COL8A1: variants seen among roughly 807,000 people sequenced by gnomAD.
COL8A1 encodes collagen type VIII alpha 1 chain, also known as collagen alpha-1(VIII) chain.
Under a neutral mutation model 42.7 loss-of-function variants are expected in COL8A1, and 21 were observed. The ratio of observed to expected loss-of-function variants is 0.49; its 90% confidence interval spans 0.35 to 0.71. The LOEUF is 0.71. Ranked by LOEUF, COL8A1 falls within the 30% of genes least tolerant of loss-of-function variation. The pLI is 0.01. For synonymous variants in COL8A1, 367 were observed against 369.1 expected (o/e 0.99, Z 0.06); for missense variants, 788 against 962.4 (o/e 0.82, Z 2.40).
intron 1 of COL8A1, among the ~76,000 whole-genome samples, chr3:99,724,386 G>A (rs541388503): frequency 1.3e-5 from 2 of 152,042 alleles, no homozygotes; most frequent in Admixed American, 6.6e-5. Context: ...ACCATGACCC[G>A]TCCTTCTCTT....
At chr3:99,657,592 C>T (rs1159638704) in intron 1 of COL8A1, among the ~76,000 whole-genome samples, 2 of 152,136 alleles carry the variant, frequency 1.3e-5, no homozygotes, top group Admixed American at 6.5e-5. Flanking sequence ...CTTTTCTCCC[C>T]GCGAGGATGA....
intron 1 of COL8A1, among the ~76,000 whole-genome samples, chr3:99,650,428 T>C (rs946649785): frequency 6.6e-6 from 1 of 152,122 alleles, no homozygotes. Flanking sequence ...CTAAGGACTT[T>C]ATTTTTATTT....
chr3:99,733,134 T>A lies in COL8A1; in HGVS notation c.-128-11763T>A, dbSNP rs1429805750. Among the ~76,000 whole-genome samples, 17 of 143,664 alleles carry A rather than the reference T, an allele frequency of 1.2e-4. 1 individual carries two copies. The highest frequency in any genetic ancestry group is 6.7e-4 in the South Asian group (3 of 4,470). The allele number at this position is 143,664 out of a possible 152,430, so 94.2% of individuals were successfully genotyped here. A position where few individuals can be genotyped will look rare whatever the true frequency, so the allele number is the denominator to read the frequency against. On this transcript the variant is annotated intron_variant, in intron 1 of 3. Transcript: ENST00000652472. The stretch of plus-strand genomic sequence containing the variant: ...AGCTTTTTTCTTTTTTTTTTTTTTT[T>A]AAACTTTCTTTTTTTTATTATTATT...
At chr3:99,740,496 A>G (rs1190709464) in intron 1 of COL8A1, among the ~76,000 whole-genome samples, 1 of 152,194 alleles carries the variant, frequency 6.6e-6, no homozygotes. Context: ...CTTTCTTCAC[A>G]TGGTGGCAGC....
At chr3:99,656,771 C>A (rs905652223) in intron 1 of COL8A1, among the ~76,000 whole-genome samples, 7 of 152,254 alleles carry the variant, frequency 4.6e-5, no homozygotes, top group Middle Eastern at 3.4e-3. Context: ...TTTGCTCCTG[C>A]ATAAAAAACT....
rs184898691 is a variant in COL8A1, at chr3:99,739,783, A to G, written c.-128-5114A>G. Among the ~76,000 whole-genome samples the G allele has an allele frequency of 7.6e-3, 1,163 of 152,244 alleles. 19 individuals are homozygous for G. The highest frequency in any genetic ancestry group is 0.026 in the African/African-American group (1,097 of 41,550). ...AGAGGCTGCCATGAAGGTCTCTGAC[A>G]TACTCTGGAGATATTTTCCCCATTG... is the stretch of plus-strand genomic sequence containing the variant. On this transcript the variant is annotated intron_variant, in intron 1 of 3. Transcript: ENST00000652472.
rs752303108 is a variant in COL8A1 at position 99,795,982 on chromosome 3, A to T, written c.2081A>T (p.Lys694Met). The T allele has an allele frequency of 3.7e-6, 6 of 1,613,922 alleles. No individual in the cohort carries two copies. The highest frequency in any genetic ancestry group is 5.1e-6 in the Non-Finnish European group (6 of 1,179,960). ...ATGTACACGTACGACGAGTACAAAA[A>T]GGGCTTCCTGGACCAGGCATCTGGG... ...PVMYTYDEYK[K>M]GFLDQASGSA... The change falls in exon 4 of 4, where the codon AAG becomes ATG. Residue 694 changes from lysine (K) to methionine (M), a missense_variant. Around this residue, in one of 4 missense-constraint regions of COL8A1, gnomAD observed 212 missense variants for 210.9 expected, o/e 1.00. Coordinates refer to ENST00000652472, the MANE Select transcript of COL8A1 (RefSeq NM_020351.4).
chr3:99,795,368 G>T lies in COL8A1; in HGVS notation c.1467G>T (p.Gly489=). ...CTAAGGGAGAGCCAGGAATCCCAGGGGATCAGGGTTTACAGGGCCCCCCAG... is the reference window on the plus strand; with the variant it reads ...CTAAGGGAGAGCCAGGAATCCCAGGTGATCAGGGTTTACAGGGCCCCCCAG... ...LGPKGEPGIP[G]DQGLQGPPGI... is the part of the protein sequence containing the mutation. The change falls in exon 4 of 4, where the codon GGG becomes GGT. Residue 489 remains glycine, a synonymous_variant. Coordinates refer to ENST00000652472, the MANE Select transcript of COL8A1 (RefSeq NM_020351.4). The T allele has an allele frequency of 6.3e-7, 1 of 1,579,934 alleles. No homozygotes were observed. Among genetic ancestry groups the T allele is most frequent in the Non-Finnish European group, 8.6e-7 (1 of 1,162,352 alleles).
intron 2 of COL8A1, among the ~76,000 whole-genome samples, chr3:99,783,293 T>G (rs978685159): frequency 1.4e-4 from 21 of 152,216 alleles, no homozygotes; most frequent in African/African-American, 5.1e-4. Flanking sequence ...ACAACCTAAT[T>G]GACTTCTCAA....
chr3:99,690,401 T>G (rs779175498), intron 1 of COL8A1, among the ~76,000 whole-genome samples: 20 of 152,218 alleles, frequency 1.3e-4, no homozygotes, highest in Admixed American at 1.3e-4. Context: ...AATCCTGATC[T>G]ATCTAGATTA....
At chr3:99,697,068 G>T (rs1200864732) in intron 1 of COL8A1, among the ~76,000 whole-genome samples, 4 of 133,136 alleles carry the variant, frequency 3.0e-5, no homozygotes, top group African/African-American at 1.1e-4. Context: ...CTCACTGCAA[G>T]CTCCGCCTCC....
chr3:99,726,083 T>C (rs945845590), intron 1 of COL8A1, among the ~76,000 whole-genome samples: 6 of 152,026 alleles, frequency 3.9e-5, no homozygotes, highest in East Asian at 3.9e-4. Flanking sequence ...CCTGTTGTTT[T>C]CTGACTTTTT....
rs745312726 is a variant in COL8A1, at chr3:99,790,733, T to C, written c.51T>C (p.Ile17=). Residue 17 remains isoleucine, a synonymous_variant, in exon 3 of 4, where the codon ATT becomes ATC. Coordinates refer to ENST00000652472, the MANE Select transcript of COL8A1 (RefSeq NM_020351.4). The stretch of plus-strand genomic sequence containing the variant: ...AGCTGCTGGGAGTGCTGCTTACCAT[T>C]TCCCTGAGTTCCATCAGGCTCATTC... ...PLQLLGVLLT[I]SLSSIRLIQA... is the part of the protein sequence containing the mutation. 1.2e-6 allele frequency: 2 copies of C among 1,614,072 alleles called. No individual in the cohort carries two copies. Among genetic ancestry groups the C allele is most frequent in the African/African-American group, 2.7e-5 (2 of 74,932 alleles).
chr3:99,640,450 AT>A (rs1218478930), intron 1 of COL8A1, among the ~76,000 whole-genome samples: 1 of 152,150 alleles, frequency 6.6e-6, no homozygotes, highest in African/African-American at 2.4e-5. Flanking sequence ...CATTCACCAG[AT>A]CCCCTTGAGG....
In COL8A1 at chr3:99,725,002, G is replaced by T. The variant is rs1440056229; in HGVS notation, c.-128-19895G>T. Among the ~76,000 whole-genome samples, 3 of 152,032 alleles carry T rather than the reference G, an allele frequency of 2.0e-5. No individual in the cohort carries two copies. In the East Asian group the frequency reaches 5.8e-4, roughly 29 times the overall value. On this transcript the variant is annotated intron_variant, in intron 1 of 3. Transcript: ENST00000652472. ...TAAGATTGCTTTATTTTGGATTGTG[G>T]TAAGGATTAAATGATGTATAATATA... is the stretch of plus-strand genomic sequence containing the variant.
At chr3:99,732,104 T>A (rs894279607) in intron 1 of COL8A1, among the ~76,000 whole-genome samples, 4 of 152,090 alleles carry the variant, frequency 2.6e-5, no homozygotes, top group African/African-American at 9.7e-5. Context: ...ACTTCAGACT[T>A]GGAGAGAATA....
At chr3:99,782,528 A>C (rs1175002434) in intron 2 of COL8A1, among the ~76,000 whole-genome samples, 6 of 152,080 alleles carry the variant, frequency 3.9e-5, no homozygotes, top group Admixed American at 2.0e-4. Flanking sequence ...AATAGCTGGG[A>C]TTACAGGCAT....
chr3:99,726,131 A>G (rs1388694366), intron 1 of COL8A1, among the ~76,000 whole-genome samples: 2 of 152,062 alleles, frequency 1.3e-5, no homozygotes, highest in Non-Finnish European at 2.9e-5. Context: ...ATGGTATCTC[A>G]TTGTGGTTTT....
chr3:99,741,014 T>C (rs965211245), intron 1 of COL8A1, among the ~76,000 whole-genome samples: 5 of 152,186 alleles, frequency 3.3e-5, no homozygotes, highest in Admixed American at 6.5e-5. Context: ...CATCAAATAA[T>C]ATAAATATTT....
Sources: allele counts gnomAD v4.1 joint callset (sites outside exome capture counted in the v4.1 genomes callset), GRCh38; gene constraint gnomAD v4.1.1; regional missense constraint gnomAD v4.1.1; transcripts MANE v1.5; gene names NCBI Gene and HGNC (gene_info 2026-07-23, HGNC 2026-07-21).